Variants in JAKMIP1 observed in about 807,000 individuals in gnomAD.
JAKMIP1 encodes janus kinase and microtubule-interacting protein 1.
Under a neutral mutation model 113.0 loss-of-function variants are expected in JAKMIP1, and 33 were observed. The ratio of observed to expected loss-of-function variants is 0.29; its 90% CI spans 0.22 to 0.39. The LOEUF (loss-of-function observed/expected upper bound fraction) is 0.39. Ranked by LOEUF, JAKMIP1 falls within the 10% of genes least tolerant of loss-of-function variation. The probability of loss-of-function intolerance (pLI) is 1.00; values close to 1 mark genes in which losing one functional copy is unlikely to be tolerated. For missense variants in JAKMIP1, 813 were observed against 1,080.5 expected (o/e 0.75, Z 3.47); for synonymous variants, 480 against 459.9 (o/e 1.04, Z -0.56).
rs779043750 is a variant in JAKMIP1 at position 6,040,605 on chromosome 4, G to C, written c.2175+34C>G. 1 of 1,531,502 alleles carries C rather than the reference G, an allele frequency of 6.5e-7. No homozygotes were observed. The highest frequency in any genetic ancestry group is 2.2e-5 in the East Asian group (1 of 44,446). The allele number at this position is 1,531,502 out of a possible 1,614,324, so 94.9% of individuals were successfully genotyped here. ...AAGCAGCCTCTAATGTGGAGTCTAA[G>C]AAGCCAAAGTGTCAAACCCACTTCT... On this transcript the variant is annotated intron_variant, in intron 18 of 20. Coordinates refer to ENST00000409021, the MANE Select transcript of JAKMIP1 (RefSeq NM_001099433.2). The surrounding 1 kb of genome is among the most constrained non-coding windows in gnomAD (Gnocchi z 5.8).
rs1327427707 is a variant in JAKMIP1 at position 6,185,707 on chromosome 4, C to A, written c.-148+14546G>T. ...CCTGATCCAGGAGATCAGGGTGGGG[C>A]CAGAGGACCTGTGGTTCTGAGCTGC... is the stretch of plus-strand genomic sequence containing the variant. On this transcript the variant is annotated intron_variant, in intron 1 of 20. Coordinates refer to ENST00000409021, the MANE Select transcript of JAKMIP1 (RefSeq NM_001099433.2). This position sits in a 1 kb window ranked among gnomAD's most constrained non-coding sequence, Gnocchi z 5.3. 1.3e-5 allele frequency among the ~76,000 whole-genome samples: 2 copies of A among 152,068 alleles called. No individual in the cohort carries two copies. Among genetic ancestry groups the A allele is most frequent in the African/African-American group, 4.8e-5 (2 of 41,416 alleles).
chr4:6,133,384 T>C (rs1315044383), intron 1 of JAKMIP1, among the ~76,000 whole-genome samples: 1 of 152,204 alleles, frequency 6.6e-6, no homozygotes, highest in African/African-American at 2.4e-5. Flanking sequence ...GTACTCCGTA[T>C]TATTTATACT....
intron 1 of JAKMIP1, among the ~76,000 whole-genome samples, chr4:6,115,138 G>C (rs921531449): frequency 6.6e-6 from 1 of 152,232 alleles, no homozygotes; most frequent in Non-Finnish European, 1.5e-5. Flanking sequence ...GCTGGGTGTG[G>C]TGGCTCACAC....
At position 6,156,397 on chromosome 4, in the gene JAKMIP1, C is replaced by T. The variant is rs555565463; in HGVS notation, c.-147-43400G>A. The stretch of plus-strand genomic sequence containing the variant: ...AAATAATGATGCATGTCCCAATTGA[C>T]AGCAGCTTAGATTTAATAAAATACG... On this transcript the variant is annotated intron_variant, in intron 1 of 20. Coordinates refer to ENST00000409021, the MANE Select transcript of JAKMIP1 (RefSeq NM_001099433.2). The surrounding 1 kb of genome is among the most constrained non-coding windows in gnomAD (Gnocchi z 5.0). Among the ~76,000 whole-genome samples, 44 of 152,332 alleles carry T rather than the reference C, an allele frequency of 2.9e-4. No individual in the cohort carries two copies. The highest frequency in any genetic ancestry group is 1.0e-3 in the African/African-American group (42 of 41,574).
chr4:6,175,649 C>A (rs1725260614), intron 1 of JAKMIP1, among the ~76,000 whole-genome samples: 1 of 152,174 alleles, frequency 6.6e-6, no homozygotes, highest in South Asian at 2.1e-4. Context: ...CAGGATTTCC[C>A]ACCTACCCAG....
chr4:6,026,677 T>C (rs1711864306), intron 20 of JAKMIP1, among the ~76,000 whole-genome samples: 1 of 148,824 alleles, frequency 6.7e-6, no homozygotes, highest in South Asian at 2.1e-4. Context: ...GGGGGCGTGA[T>C]GTGTGCACCG....
intron 17 of JAKMIP1, among the ~76,000 whole-genome samples, chr4:6,041,799 G>T (rs529427192): frequency 6.6e-6 from 1 of 152,076 alleles, no homozygotes. Context: ...TCCATATCTG[G>T]GCTGTGTCTC....
intron 3 of JAKMIP1, among the ~76,000 whole-genome samples, chr4:6,098,762 GAAAGA>G (rs1712494307): frequency 6.6e-6 from 1 of 150,460 alleles, no homozygotes; most frequent in Non-Finnish European, 1.5e-5. Flanking sequence ...GAAAGAAAGA[GAAAGA>G]AAAGAAAGAA....
intron 1 of JAKMIP1, among the ~76,000 whole-genome samples, chr4:6,145,639 T>G (rs923841294): frequency 1.3e-5 from 2 of 152,208 alleles, no homozygotes; most frequent in Non-Finnish European, 2.9e-5. Context: ...AACCTATATT[T>G]GTGTGCTAGG....
intron 3 of JAKMIP1, 133 bp from the exon 4 acceptor site, chr4:6,085,762 C>T: frequency 1.4e-6 from 1 of 739,218 alleles, no homozygotes; most frequent in Non-Finnish European, 2.2e-6. Context: ...ATTCAGTAAA[C>T]TCCAGACACA....
intron 1 of JAKMIP1, among the ~76,000 whole-genome samples, chr4:6,191,655 G>A (rs750817060): frequency 2.0e-5 from 3 of 152,312 alleles, no homozygotes; most frequent in Admixed American, 6.5e-5. Context: ...CCATAGACCT[G>A]AGCCTGGACC....
intron 1 of JAKMIP1, among the ~76,000 whole-genome samples, chr4:6,171,273 C>A (rs1252741649): frequency 6.7e-6 from 1 of 149,586 alleles, no homozygotes; most frequent in East Asian, 1.9e-4. Context: ...CCACTGTCCT[C>A]ATCAATGTCA....
intron 19 of JAKMIP1, among the ~76,000 whole-genome samples, chr4:6,030,572 C>T (rs1011227273): frequency 3.3e-5 from 5 of 152,182 alleles, no homozygotes; most frequent in Non-Finnish European, 5.9e-5. Flanking sequence ...ACAGGGCTTC[C>T]GCCCCATCAA....
At chr4:6,190,381 T>C (rs1354834914) in intron 1 of JAKMIP1, among the ~76,000 whole-genome samples, 1 of 152,294 alleles carries the variant, frequency 6.6e-6, no homozygotes, top group African/African-American at 2.4e-5. Flanking sequence ...ATAAATGCAA[T>C]TGTATTAACA....
rs757035211 is a variant in JAKMIP1, at chr4:6,179,675, T to G, written c.-148+20578A>C. On this transcript the variant is annotated intron_variant, in intron 1 of 20. Transcript: ENST00000409021. The surrounding 1 kb of genome is among the most constrained non-coding windows in gnomAD (Gnocchi z 4.5). ...CTGCATGGGTCTCTTGGGGTATCAC[T>G]CCTGCCCCCAGACCAAAAGCAACAG... is the stretch of plus-strand genomic sequence containing the variant. 3.9e-5 allele frequency among the ~76,000 whole-genome samples: 6 copies of G among 152,180 alleles called. No homozygotes were observed. Among genetic ancestry groups the G allele is most frequent in the Non-Finnish European group, 8.8e-5 (6 of 68,030 alleles).
rs1023615562 is a variant in JAKMIP1, at chr4:6,137,813, G to T, written c.-147-24816C>A. Among the ~76,000 whole-genome samples the T allele has an allele frequency of 2.6e-5, 4 of 152,234 alleles. No homozygotes were observed. The highest frequency in any genetic ancestry group is 9.6e-5 in the African/African-American group (4 of 41,460). ...GAGAGCCAGGTGGGGATAGGACAAG[G>T]TGCCCACTGGCTGGCATGGGCCTGG... On this transcript the variant is annotated intron_variant, in intron 1 of 20. Transcript: ENST00000409021. The surrounding 1 kb of genome is among the most constrained non-coding windows in gnomAD (Gnocchi z 4.5).
intron 1 of JAKMIP1, among the ~76,000 whole-genome samples, chr4:6,115,522 G>T (rs1050173298): frequency 2.8e-4 from 42 of 152,170 alleles, no homozygotes; most frequent in African/African-American, 9.4e-4. Flanking sequence ...GCACCTGCAA[G>T]GTGCCAGCCC....
chr4:6,156,463 T>C lies in JAKMIP1; in HGVS notation c.-147-43466A>G, dbSNP rs1317201525. On this transcript the variant is annotated intron_variant, in intron 1 of 20. Coordinates refer to ENST00000409021, the MANE Select transcript of JAKMIP1 (RefSeq NM_001099433.2). The surrounding 1 kb of genome is among the most constrained non-coding windows in gnomAD (Gnocchi z 5.0). ...CAGAATTCTGATTTAAAAGTTTAAA[T>C]TAGCTGCCAACACAGCTAACAGATT... 1.3e-5 allele frequency among the ~76,000 whole-genome samples: 2 copies of C among 152,222 alleles called. No individual in the cohort carries two copies. The highest frequency in any genetic ancestry group is 3.8e-4 in the East Asian group (2 of 5,196).
At chr4:6,058,531 T>A (rs1716798525) in intron 11 of JAKMIP1, among the ~76,000 whole-genome samples, 1 of 152,246 alleles carries the variant, frequency 6.6e-6, no homozygotes. Context: ...TCTTTCCCTT[T>A]GTTCTCTATT....
Sources: gnomAD v4.1 joint callset for allele counts (sites outside exome capture counted in the v4.1 genomes callset) on GRCh38, gnomAD v4.1.1 for gene constraint, Gnocchi (gnomAD v3.1) non-coding constraint, MANE v1.5 for transcripts, NCBI Gene and HGNC (gene_info 2026-07-23, HGNC 2026-07-21) for gene names.